The following CTNNA3 variants were observed in gnomAD, a reference collection of about 807,000 sequenced individuals.
The protein encoded by CTNNA3 is catenin alpha-3.
A neutral mutation model predicts 95.7 loss-of-function variants in CTNNA3; 76 were observed. That is an observed-to-expected ratio of 0.79 (90% CI 0.66 to 0.96). The LOEUF (loss-of-function observed/expected upper bound fraction) is 0.96, where lower values mean the gene tolerates loss of function less well. CTNNA3 is among the 40% of genes least tolerant of loss of function. CTNNA3 has a pLI of 0.00. For synonymous variants in CTNNA3, 431 were observed against 374.4 expected, an observed-to-expected ratio of 1.15 and a Z score of -1.74; for missense variants, 1,191 against 1,089.8, an observed-to-expected ratio of 1.09 and a Z score of -1.31.
chr10:66,268,726 G>C (rs1426679547), intron 13 of CTNNA3, among the ~76,000 whole-genome samples: 1 of 152,124 alleles, frequency 6.6e-6, no homozygotes, highest in Non-Finnish European at 1.5e-5. Flanking sequence ...CAGCTCCTTT[G>C]CAGTTTATTC....
chr10:66,871,624 T>C (rs1430140224), intron 7 of CTNNA3, among the ~76,000 whole-genome samples: 1 of 149,024 alleles, frequency 6.7e-6, no homozygotes, highest in Non-Finnish European at 1.5e-5. Context: ...TAAGTACATA[T>C]GGACAAAGAA....
chr10:67,174,923 A>T lies in CTNNA3; in HGVS notation c.1047+5394T>A, dbSNP rs183092258. 8.3e-3 allele frequency among the ~76,000 whole-genome samples: 1,260 copies of T among 152,274 alleles called. 12 individuals are homozygous for T. The highest frequency in any genetic ancestry group is 0.013 in the Non-Finnish European group (883 of 68,024). Reference sequence around the variant, plus strand: ...TTTTAAGTTATCCAGATATCTGTAAACTGAAAAACATTATCTCTAACCAAA... The same window carrying T: ...TTTTAAGTTATCCAGATATCTGTAATCTGAAAAACATTATCTCTAACCAAA... On this transcript the variant is annotated intron_variant, in intron 7 of 17. Transcript: ENST00000433211.
chr10:67,573,942 T>C (rs1405104033), intron 3 of CTNNA3, among the ~76,000 whole-genome samples: 5 of 152,238 alleles, frequency 3.3e-5, no homozygotes, highest in Admixed American at 6.5e-5. Flanking sequence ...CAAGATGTTA[T>C]AGTACCTTTA....
intron 12 of CTNNA3, among the ~76,000 whole-genome samples, chr10:66,282,906 GAATT>G (rs1439220744): frequency 6.6e-6 from 1 of 151,732 alleles, no homozygotes; most frequent in Non-Finnish European, 1.5e-5. Context: ...ATGAATGAAT[GAATT>G]AATTAATTAA....
chr10:66,927,915 A>G lies in CTNNA3; in HGVS notation c.1048-152391T>C. 1 of 1,614,244 alleles carries G rather than the reference A, an allele frequency of 6.2e-7. No homozygotes were observed. The highest frequency in any genetic ancestry group is 1.1e-5 in the South Asian group (1 of 91,086). Reference sequence around the variant, plus strand: ...ACTGGCTGAAAAGTTTTAAAGGTCTAAGGGAGAATACAATTATCTGTGCCA... The same window carrying G: ...ACTGGCTGAAAAGTTTTAAAGGTCTGAGGGAGAATACAATTATCTGTGCCA... On this transcript the variant is annotated intron_variant, in intron 7 of 17. Coordinates refer to ENST00000433211, the MANE Select transcript of CTNNA3 (RefSeq NM_013266.4). The surrounding 1 kb of genome is among the most constrained non-coding windows in gnomAD (Gnocchi z 4.7).
intron 17 of CTNNA3, among the ~76,000 whole-genome samples, chr10:65,938,827 T>C (rs781460222): frequency 1.3e-5 from 2 of 152,026 alleles, no homozygotes; most frequent in Non-Finnish European, 1.5e-5. Context: ...AGGGATCAAA[T>C]AGGCCCACTA....
intron 17 of CTNNA3, among the ~76,000 whole-genome samples, chr10:65,933,243 T>C (rs190341356): frequency 4.6e-5 from 7 of 152,304 alleles, no homozygotes; most frequent in Admixed American, 1.3e-4. Flanking sequence ...TGCATTTCAA[T>C]TATTTGTGAC....
rs1367868879 is a variant in CTNNA3 at position 67,726,367 on chromosome 10, TATG to T, written c.-2+37064_-2+37066del. On this transcript the variant is annotated intron_variant, in intron 1 of 17. Coordinates refer to the CTNNA3 transcript ENST00000684154. ...AATATATGATATATATGATATAATATATGATATTATATATGAAATTATATATAT... is the reference window on the plus strand; with the variant it reads ...AATATATGATATATATGATATAATATATATTATATATGAAATTATATATAT... Among the ~76,000 whole-genome samples, 14 of 85,202 alleles carry T rather than the reference TATG, an allele frequency of 1.6e-4. 1 individual carries two copies. The highest frequency in any genetic ancestry group is 2.6e-4 in the African/African-American group (5 of 19,256). The allele number at this position is 85,202 out of a possible 152,430, so 55.9% of individuals were successfully genotyped here.
chr10:67,266,476 T>C (rs771582996), intron 5 of CTNNA3, among the ~76,000 whole-genome samples: 1 of 152,148 alleles, frequency 6.6e-6, no homozygotes, highest in Non-Finnish European at 1.5e-5. Context: ...ACTGGCAATA[T>C]TCTAGATAGC....
At position 65,974,792 on chromosome 10, in the gene CTNNA3, A is replaced by C. The variant is rs184832366; in HGVS notation, c.2266-8046T>G. Reference sequence around the variant, plus strand: ...ACTCTGGGTTAAAAAAAATTAAAAGATGCTGGGAAAGAAATATATGACAAT... The same window carrying C: ...ACTCTGGGTTAAAAAAAATTAAAAGCTGCTGGGAAAGAAATATATGACAAT... On this transcript the variant is annotated intron_variant, in intron 16 of 17. Coordinates refer to ENST00000433211, the MANE Select transcript of CTNNA3 (RefSeq NM_013266.4). Among the ~76,000 whole-genome samples the C allele has an allele frequency of 2.3e-4, 35 of 152,098 alleles. 1 individual carries two copies. The highest frequency in any genetic ancestry group is 8.0e-4 in the African/African-American group (33 of 41,438).
chr10:67,281,797 C>T (rs1416962471), intron 5 of CTNNA3, among the ~76,000 whole-genome samples: 2 of 152,000 alleles, frequency 1.3e-5, no homozygotes, highest in African/African-American at 4.8e-5. Context: ...ATCCCACCAG[C>T]CAAATGAATC....
chr10:66,835,842 G>T (rs781171202), intron 7 of CTNNA3, among the ~76,000 whole-genome samples: 21 of 152,124 alleles, frequency 1.4e-4, no homozygotes, highest in Non-Finnish European at 2.8e-4. Flanking sequence ...GGGAGGGCTT[G>T]TTAAAGGGGA....
intron 5 of CTNNA3, among the ~76,000 whole-genome samples, chr10:67,495,175 G>A (rs941873841): frequency 5.9e-5 from 9 of 152,068 alleles, no homozygotes; most frequent in South Asian, 2.1e-4. Flanking sequence ...CACACACACC[G>A]CCATCTAAAC....
intron 7 of CTNNA3, among the ~76,000 whole-genome samples, chr10:66,972,755 G>A (rs1302753643): frequency 7.1e-6 from 1 of 141,168 alleles, no homozygotes; most frequent in Non-Finnish European, 1.5e-5. Flanking sequence ...CTGTCACCCA[G>A]GCTGGAGTGC....
intron 16 of CTNNA3, among the ~76,000 whole-genome samples, chr10:65,979,363 G>A (rs2078272860): frequency 6.6e-6 from 1 of 152,084 alleles, no homozygotes; most frequent in African/African-American, 2.4e-5. Context: ...AGAAATGAGT[G>A]TCCTATGTAA....
chr10:66,837,054 G>C (rs1332148752), intron 7 of CTNNA3, among the ~76,000 whole-genome samples: 3 of 152,004 alleles, frequency 2.0e-5, no homozygotes, highest in Non-Finnish European at 4.4e-5. Flanking sequence ...CTTGCTTTGT[G>C]AAGGTAAAAA....
chr10:66,672,425 G>A (rs1338194850), intron 9 of CTNNA3, among the ~76,000 whole-genome samples: 2 of 151,986 alleles, frequency 1.3e-5, no homozygotes, highest in African/African-American at 2.4e-5. Context: ...GAACAAGAAA[G>A]CCACTTTCCT....
intron 9 of CTNNA3, among the ~76,000 whole-genome samples, chr10:66,677,319 AT>A (rs2132489576): frequency 6.6e-6 from 1 of 152,264 alleles, no homozygotes. Context: ...GCACTTTGTA[AT>A]TTCCAATCTG....
intron 2 of CTNNA3, among the ~76,000 whole-genome samples, chr10:67,621,223 G>C (rs1454991873): frequency 6.6e-6 from 1 of 152,034 alleles, no homozygotes; most frequent in African/African-American, 2.4e-5. Flanking sequence ...CAATTTTATT[G>C]TGCAGCCAGG....
Sources: gnomAD v4.1 joint callset for allele counts (sites outside exome capture counted in the v4.1 genomes callset) on GRCh38, gnomAD v4.1.1 for gene constraint, Gnocchi (gnomAD v3.1) non-coding constraint, MANE v1.5 for transcripts, NCBI Gene and HGNC (gene_info 2026-07-23, HGNC 2026-07-21) for gene names.